Variants in DDX31 observed in about 807,000 individuals in gnomAD.
DDX31 encodes ATP-dependent DNA helicase DDX31.
In DDX31, 70 loss-of-function variants were observed where a neutral mutation model predicts 91.3. That is an observed-to-expected ratio of 0.77 (90% CI 0.63 to 0.94). The LOEUF (loss-of-function observed/expected upper bound fraction) is 0.94, where lower values mean the gene tolerates loss of function less well. Among genes scored for constraint, DDX31 ranks in the 40% least tolerant of loss-of-function variants. The pLI, the probability that DDX31 is intolerant of heterozygous loss-of-function variation, is 0.00. For missense variants in DDX31, 902 were observed against 925.0 expected, an observed-to-expected ratio of 0.98 and a Z score of 0.32; for synonymous variants, 362 against 350.6, an observed-to-expected ratio of 1.03 and a Z score of -0.36.
chr9:132,657,068 C>T (rs547669127), intron 6 of DDX31, among the ~76,000 whole-genome samples: 1 of 152,312 alleles, frequency 6.6e-6, no homozygotes, highest in Non-Finnish European at 1.5e-5. Context: ...ACTTATGAAA[C>T]TGGGGTCACA....
At chr9:132,608,522 C>T (rs1341897548) in intron 19 of DDX31, among the ~76,000 whole-genome samples, 2 of 152,132 alleles carry the variant, frequency 1.3e-5, no homozygotes, top group Non-Finnish European at 2.9e-5. Context: ...GCTCCCGATC[C>T]CCATTCTAAT....
intron 17 of DDX31, 125 bp from the exon 18 acceptor site, chr9:132,618,566 CT>C (rs1365974067): frequency 3.0e-6 from 2 of 671,338 alleles, no homozygotes; most frequent in Non-Finnish European, 4.8e-6. Context: ...AAGGGTAATC[CT>C]TTCAATATTA....
chr9:132,626,234 C>T (rs569752253), intron 16 of DDX31, among the ~76,000 whole-genome samples: 1 of 152,324 alleles, frequency 6.6e-6, no homozygotes, highest in South Asian at 2.1e-4. Context: ...AGCCCTGTCC[C>T]AGCAGCACTG....
chr9:132,637,717 A>G, intron 14 of DDX31: 1 of 564,704 alleles, frequency 1.8e-6, no homozygotes, highest in Non-Finnish European at 2.2e-6. Flanking sequence ...CAGAGGCGAG[A>G]GATCTTGGCT....
chr9:132,613,943 A>G (rs1037718149), intron 18 of DDX31, among the ~76,000 whole-genome samples: 6 of 152,136 alleles, frequency 3.9e-5, no homozygotes, highest in African/African-American at 1.2e-4. Context: ...CATCCCTGTC[A>G]CTGCTCTCTT....
intron 14 of DDX31, among the ~76,000 whole-genome samples, chr9:132,636,285 A>G (rs1833109851): frequency 1.3e-5 from 2 of 152,230 alleles, no homozygotes; most frequent in Admixed American, 1.3e-4. Context: ...TTCTCTATCT[A>G]AAGGGGAGCG....
intron 13 of DDX31, among the ~76,000 whole-genome samples, chr9:132,642,315 C>T (rs938485201): frequency 1.3e-5 from 2 of 152,142 alleles, no homozygotes; most frequent in Non-Finnish European, 2.9e-5. Context: ...ACTACCAGGG[C>T]AGGCACACTC....
intron 6 of DDX31, among the ~76,000 whole-genome samples, chr9:132,652,743 CA>C (rs962859603): frequency 1.3e-5 from 2 of 151,976 alleles, no homozygotes; most frequent in African/African-American, 4.8e-5. Flanking sequence ...GTAATTGAAT[CA>C]GGGGGGCCGG....
At chr9:132,658,839 T>A (rs1209369911) in intron 5 of DDX31, 104 bp from the exon 6 acceptor site, 3 of 1,045,076 alleles carry the variant, frequency 2.9e-6, no homozygotes, top group Non-Finnish European at 1.4e-6. Context: ...CCAGTAGTAC[T>A]AAATTCTAGG....
At chr9:132,613,741 T>C (rs1399420262) in intron 18 of DDX31, among the ~76,000 whole-genome samples, 1 of 152,164 alleles carries the variant, frequency 6.6e-6, no homozygotes, top group East Asian at 1.9e-4. Context: ...GTCCTTGTTG[T>C]AGGTCCCTCC....
Position 132,669,828 on chromosome 9 carries a change from G to A in DDX31, c.75+32C>T, listed in dbSNP as rs778199234. The A allele has an allele frequency of 2.6e-5, 40 of 1,547,174 alleles. No homozygotes were observed. In the Admixed American group the frequency reaches 7.1e-4, roughly 28 times the overall value. On this transcript the variant is annotated intron_variant, in intron 1 of 19. Transcript: ENST00000372159. ...GCGCGCCCACAGCCGGGCCGCGGGT[G>A]GGGACGGAGCTGAAGCCGGGTCAGA...
At chr9:132,646,697 C>A in intron 12 of DDX31, 126 bp downstream of exon 12, 1 of 848,140 alleles carries the variant, frequency 1.2e-6, no homozygotes, top group Non-Finnish European at 1.9e-6. Flanking sequence ...AGTCTGCATC[C>A]GGAATGCAGA....
intron 13 of DDX31, 37 bp downstream of exon 13, chr9:132,645,858 C>A (rs377745995): frequency 6.3e-7 from 1 of 1,582,570 alleles, no homozygotes; most frequent in South Asian, 1.1e-5. Flanking sequence ...CACGTGGGGC[C>A]GCAGTGTTGT....
intron 18 of DDX31, among the ~76,000 whole-genome samples, chr9:132,617,601 C>T (rs1005613576): frequency 1.3e-5 from 2 of 152,158 alleles, no homozygotes; most frequent in Non-Finnish European, 2.9e-5. Flanking sequence ...CTCAAAATAG[C>T]AGGCAACTAA....
chr9:132,606,615 C>A (rs1409938608), intron 19 of DDX31, among the ~76,000 whole-genome samples: 1 of 152,168 alleles, frequency 6.6e-6, no homozygotes, highest in African/African-American at 2.4e-5. Flanking sequence ...TCTGGCTTAA[C>A]CCCCACAATC....
intron 13 of DDX31, among the ~76,000 whole-genome samples, chr9:132,643,846 G>GA: frequency 6.7e-6 from 1 of 149,352 alleles, no homozygotes; most frequent in East Asian, 2.0e-4. Flanking sequence ...ATCAAAATCA[G>GA]AAAAAAATCA....
intron 14 of DDX31, among the ~76,000 whole-genome samples, chr9:132,639,307 G>A (rs1326965218): frequency 1.3e-5 from 2 of 151,938 alleles, no homozygotes; most frequent in Admixed American, 6.6e-5. Flanking sequence ...CCCAGCAACC[G>A]AGAGAAATGA....
chr9:132,608,225 G>A (rs539200215), intron 19 of DDX31, among the ~76,000 whole-genome samples: 7 of 152,242 alleles, frequency 4.6e-5, no homozygotes, highest in South Asian at 2.1e-4. Context: ...TGTCTATGTC[G>A]GTGTTTGGGG....
intron 19 of DDX31, among the ~76,000 whole-genome samples, chr9:132,604,743 T>C (rs933291908): frequency 3.9e-5 from 6 of 152,206 alleles, no homozygotes; most frequent in African/African-American, 1.4e-4. Flanking sequence ...CCCCATATAC[T>C]GCCACATCTG....
Sources: allele counts gnomAD v4.1 joint callset (sites outside exome capture counted in the v4.1 genomes callset), GRCh38; gene constraint gnomAD v4.1.1; transcripts MANE v1.5; gene names NCBI Gene and HGNC (gene_info 2026-07-23, HGNC 2026-07-21).